The following TRPC4 variants were observed in gnomAD, a reference collection of about 807,000 sequenced individuals.
TRPC4 encodes the protein transient receptor potential cation channel subfamily C member 4, also known as short transient receptor potential channel 4.
In TRPC4, 49 loss-of-function variants were observed where a neutral mutation model predicts 99.4. That is an observed-to-expected ratio of 0.49 (90% CI 0.39 to 0.63). TRPC4 has a LOEUF of 0.63. Among genes scored for constraint, TRPC4 ranks in the 20% least tolerant of loss-of-function variants. TRPC4 has a pLI of 0.00. For synonymous variants in TRPC4, 454 were observed against 425.9 expected (o/e 1.07, Z -0.81); for missense variants, 898 against 1,152.9 (o/e 0.78, Z 3.20).
intron 1 of TRPC4, among the ~76,000 whole-genome samples, chr13:37,855,312 T>TAC (rs1555285057): frequency 1.4e-4 from 20 of 146,344 alleles, no homozygotes; most frequent in Non-Finnish European, 1.5e-4. Flanking sequence ...TATATATATA[T>TAC]ACACATGTAG....
At chr13:37,834,365 G>T (rs1958503178) in intron 1 of TRPC4, among the ~76,000 whole-genome samples, 1 of 152,004 alleles carries the variant, frequency 6.6e-6, no homozygotes, top group Admixed American at 6.6e-5. Flanking sequence ...TATGTTTTTA[G>T]TTAAGGAAAG....
intron 3 of TRPC4, among the ~76,000 whole-genome samples, chr13:37,716,831 C>T (rs1310098112): frequency 6.6e-6 from 1 of 152,016 alleles, no homozygotes; most frequent in Non-Finnish European, 1.5e-5. Context: ...TTTAAATTGT[C>T]CTTTGTGAGT....
At chr13:37,827,175 T>TA (rs1958253768) in intron 1 of TRPC4, among the ~76,000 whole-genome samples, 1 of 152,064 alleles carries the variant, frequency 6.6e-6, no homozygotes, top group Non-Finnish European at 1.5e-5. Context: ...TACATTCTTC[T>TA]AATTTTTTTT....
chr13:37,728,555 G>A (rs1197439519), intron 3 of TRPC4, among the ~76,000 whole-genome samples: 1 of 151,994 alleles, frequency 6.6e-6, no homozygotes, highest in African/African-American at 2.4e-5. Context: ...ATTGAAAGAT[G>A]TCCCACATTC....
At chr13:37,771,020 G>C (rs543099702) in intron 2 of TRPC4, among the ~76,000 whole-genome samples, 29 of 151,662 alleles carry the variant, frequency 1.9e-4, no homozygotes, top group Non-Finnish European at 3.5e-4. Context: ...TATTTATTAG[G>C]TATTAGGTGC....
chr13:37,814,827 C>T (rs55820309), intron 1 of TRPC4, among the ~76,000 whole-genome samples: 3,042 of 151,860 alleles, frequency 0.02, 34 homozygotes, highest in Middle Eastern at 0.11. Flanking sequence ...AATTGACAAG[C>T]TGATTCTCAA....
In TRPC4 at chr13:37,753,239, A is replaced by G. The variant is rs148292964; in HGVS notation, c.379-6784T>C. Among the ~76,000 whole-genome samples the G allele has an allele frequency of 2.0e-5, 3 of 152,252 alleles. No individual in the cohort carries two copies. In the East Asian group the frequency reaches 5.8e-4, roughly 30 times the overall value. ...ACATTTATAAAAATACTTTCTTTAG[A>G]GTATAGTATAAGTCAAGAAAGCTAA... On this transcript the variant is annotated intron_variant, in intron 2 of 10. Coordinates refer to ENST00000379705, the MANE Select transcript of TRPC4 (RefSeq NM_016179.4).
chr13:37,732,999 TAATC>T (rs1566128828), intron 3 of TRPC4, among the ~76,000 whole-genome samples: 1 of 152,118 alleles, frequency 6.6e-6, no homozygotes, highest in Non-Finnish European at 1.5e-5. Flanking sequence ...AATGCCCAAA[TAATC>T]AAAGCAATCC....
intron 2 of TRPC4, among the ~76,000 whole-genome samples, chr13:37,766,266 A>G (rs1956363559): frequency 6.6e-6 from 1 of 151,456 alleles, no homozygotes; most frequent in South Asian, 2.1e-4. Flanking sequence ...AAAGATTTAC[A>G]TGGATCCTCA....
chr13:37,772,423 A>T (rs561397838), intron 2 of TRPC4, among the ~76,000 whole-genome samples: 4 of 151,810 alleles, frequency 2.6e-5, no homozygotes, highest in Non-Finnish European at 5.9e-5. Context: ...CAATTTTACT[A>T]TAAATCAAGT....
At chr13:37,794,966 CA>C (rs1957209672) in intron 1 of TRPC4, among the ~76,000 whole-genome samples, 1 of 152,018 alleles carries the variant, frequency 6.6e-6, no homozygotes, top group Admixed American at 6.6e-5. Context: ...GAACATCATA[CA>C]GTTAGAATTT....
chr13:37,733,748 T>G lies in TRPC4; in HGVS notation c.897+12189A>C, dbSNP rs1246745413. 2.9e-4 allele frequency among the ~76,000 whole-genome samples: 44 copies of G among 152,102 alleles called. 1 individual carries two copies. The highest frequency in any genetic ancestry group is 5.9e-5 in the Non-Finnish European group (4 of 68,018). ...ATCATTTATTTTGCACTTACTATAT[T>G]CTAAGCACTGTTTCAGGGATTGAAA... On this transcript the variant is annotated intron_variant, in intron 3 of 10. Coordinates refer to ENST00000379705, the MANE Select transcript of TRPC4 (RefSeq NM_016179.4).
intron 1 of TRPC4, among the ~76,000 whole-genome samples, chr13:37,791,415 A>C (rs1210965871): frequency 6.6e-6 from 1 of 151,542 alleles, no homozygotes; most frequent in Admixed American, 6.6e-5. Flanking sequence ...AAAAAAAAAA[A>C]AAAGGATAAA....
chr13:37,780,330 C>A (rs1229427850), intron 2 of TRPC4, among the ~76,000 whole-genome samples: 1 of 151,710 alleles, frequency 6.6e-6, no homozygotes, highest in East Asian at 1.9e-4. Context: ...TTTATTAGAA[C>A]CTCTTTCTTA....
rs189644015 is a variant in TRPC4, at chr13:37,786,810, T to C, written c.-27-3450A>G. Among the ~76,000 whole-genome samples the C allele has an allele frequency of 7.2e-5, 11 of 152,176 alleles. No individual in the cohort carries two copies. The East Asian group carries it at 1.7e-3, about 24-fold the overall frequency. ...GGAATGACTGATTGGTCAAATTATA[T>C]TTAGAAGATTTGGAAGAGATGAGGA... is the stretch of plus-strand genomic sequence containing the variant. On this transcript the variant is annotated intron_variant, in intron 1 of 10. Transcript: ENST00000379705.
chr13:37,824,381 C>T (rs1230294886), intron 1 of TRPC4, among the ~76,000 whole-genome samples: 1 of 150,434 alleles, frequency 6.6e-6, no homozygotes, highest in African/African-American at 2.5e-5. Flanking sequence ...CCAGTTTTTG[C>T]CCATTCAGTA....
chr13:37,688,335 C>G (rs955985570), intron 4 of TRPC4, among the ~76,000 whole-genome samples: 2 of 152,112 alleles, frequency 1.3e-5, no homozygotes, highest in Non-Finnish European at 1.5e-5. Flanking sequence ...ACTGAAATAA[C>G]AGAAACCTTA....
At chr13:37,859,767 C>A (rs1959214944) in intron 1 of TRPC4, among the ~76,000 whole-genome samples, 1 of 151,194 alleles carries the variant, frequency 6.6e-6, no homozygotes, top group South Asian at 2.1e-4. Flanking sequence ...CATGTTGGTA[C>A]TAGAAGGAAT....
chr13:37,801,536 A>T (rs1188015225), intron 1 of TRPC4, among the ~76,000 whole-genome samples: 1 of 152,148 alleles, frequency 6.6e-6, no homozygotes, highest in Non-Finnish European at 1.5e-5. Context: ...TTTTATTCTA[A>T]TATCACATAA....
Sources: gnomAD v4.1 joint callset for allele counts (sites outside exome capture counted in the v4.1 genomes callset) on GRCh38, gnomAD v4.1.1 for gene constraint, MANE v1.5 for transcripts, NCBI Gene and HGNC (gene_info 2026-07-23, HGNC 2026-07-21) for gene names.